The following ARFGEF3 variants were observed in gnomAD, a reference collection of about 807,000 sequenced individuals.
The protein encoded by ARFGEF3 is ARFGEF family member 3.
A neutral mutation model predicts 221.7 loss-of-function variants in ARFGEF3; 96 were observed. That is an observed-to-expected ratio of 0.43 (90% CI 0.37 to 0.51). The LOEUF is 0.51. Among genes scored for constraint, ARFGEF3 ranks in the 20% least tolerant of loss-of-function variants. The pLI is 0.00. For missense variants in ARFGEF3, 2,410 were observed against 2,789.9 expected, an observed-to-expected ratio of 0.86 and a Z score of 3.07; for synonymous variants, 1,145 against 1,126.8, an observed-to-expected ratio of 1.02 and a Z score of -0.32.
chr6:138,324,213 A>G, intron 31 of ARFGEF3, 59 bp downstream of exon 31: 1 of 1,569,772 alleles, frequency 6.4e-7, no homozygotes, highest in Non-Finnish European at 8.7e-7. Context: ...ATGTTGGGAG[A>G]CCTTCCTTGA....
intron 25 of ARFGEF3, among the ~76,000 whole-genome samples, chr6:138,313,120 GTC>G (rs1168749377): frequency 1.3e-5 from 2 of 152,180 alleles, no homozygotes; most frequent in African/African-American, 2.4e-5. Context: ...CAGGAATTTT[GTC>G]TGTTTGCTCA....
intron 33 of ARFGEF3, 135 bp from the exon 34 acceptor site, chr6:138,336,160 A>T: frequency 1.7e-6 from 1 of 595,566 alleles, no homozygotes. Flanking sequence ...TTATAGGCAT[A>T]TTAAATGAGT....
At chr6:138,293,899 A>G in intron 19 of ARFGEF3, 94 bp from the exon 20 acceptor site, 1 of 1,268,904 alleles carries the variant, frequency 7.9e-7, no homozygotes, top group Non-Finnish European at 1.1e-6. Flanking sequence ...CAGCATTTCC[A>G]TTAATCACAT....
intron 4 of ARFGEF3, among the ~76,000 whole-genome samples, chr6:138,221,539 GA>G (rs1375627727): frequency 6.6e-6 from 1 of 152,164 alleles, no homozygotes; most frequent in African/African-American, 2.4e-5. Context: ...ATAGATTTGT[GA>G]GTCCTCTAGT....
At position 138,338,315 on chromosome 6, in the gene ARFGEF3, A is replaced by T. The variant is rs1780368260; in HGVS notation, c.*1829A>T. 6.6e-6 allele frequency: 1 copy of T among 152,268 alleles called. No individual in the cohort carries two copies. Among genetic ancestry groups the T allele is most frequent in the Non-Finnish European group, 1.5e-5 (1 of 68,048 alleles). 9.4% of individuals were successfully genotyped at this position (152,268 alleles called of 1,614,324 possible). ...AACTGCTTTTTTTAAATTTTCCAAC[A>T]GAAGTAACACCACAGTTGCTTTGTT... On this transcript the variant is annotated 3_prime_UTR_variant, in exon 34 of 34. Transcript: ENST00000251691.
At chr6:138,307,757 T>C (rs1185192603) in intron 23 of ARFGEF3, among the ~76,000 whole-genome samples, 2 of 152,096 alleles carry the variant, frequency 1.3e-5, no homozygotes, top group Non-Finnish European at 2.9e-5. Flanking sequence ...ATTAGGGAGA[T>C]TCGGTCTGCT....
intron 4 of ARFGEF3, among the ~76,000 whole-genome samples, chr6:138,211,767 T>A (rs2114500619): frequency 6.6e-6 from 1 of 152,360 alleles, no homozygotes; most frequent in Middle Eastern, 3.4e-3. Flanking sequence ...TTAATGGTTA[T>A]GTCAACAGTC....
chr6:138,214,145 A>G (rs990171435), intron 4 of ARFGEF3, among the ~76,000 whole-genome samples: 4 of 152,216 alleles, frequency 2.6e-5, no homozygotes, highest in Non-Finnish European at 5.9e-5. Context: ...TGATCCAGGT[A>G]AAGCCTCTTA....
intron 22 of ARFGEF3, among the ~76,000 whole-genome samples, chr6:138,299,158 C>T (rs532670908): frequency 3.5e-4 from 49 of 141,248 alleles, no homozygotes; most frequent in African/African-American, 1.1e-3. Context: ...AGATCAATCA[C>T]GCCACTGCAC....
chr6:138,334,506 TCAGCGTC>T lies in ARFGEF3; in HGVS notation c.5665_5671del (p.Val1889LeufsTer87). ...CAGTGGCGGGCACGGATGCCCTTGC[TCAGCGTC>T]CAGCCTGTCAGCAACGCAGATTGGG... On this transcript the variant is annotated frameshift_variant, in exon 33 of 34. Transcript: ENST00000251691. LOFTEE classifies it high-confidence loss of function. The surrounding 1 kb of genome is among the most constrained non-coding windows in gnomAD (Gnocchi z 5.1). 6.2e-7 allele frequency: 1 copy of T among 1,609,802 alleles called. No homozygotes were observed. Among genetic ancestry groups the T allele is most frequent in the Non-Finnish European group, 8.5e-7 (1 of 1,178,954 alleles).
At position 138,279,958 on chromosome 6, in the gene ARFGEF3, AG is replaced by A. The variant is rs777190747; in HGVS notation, c.2296-38del. 6.2e-6 allele frequency: 10 copies of A among 1,603,198 alleles called. No homozygotes were observed. The East Asian group carries it at 2.0e-4, about 32-fold the overall frequency. On this transcript the variant is annotated intron_variant, in intron 13 of 33. Coordinates refer to ENST00000251691, the MANE Select transcript of ARFGEF3 (RefSeq NM_020340.5). ...GGCACTTAGGAGCCTGTTAGTGAGC[AG>A]GGTGTTATGTGGTCACCTTCTCATG...
chr6:138,274,025 G>C (rs1232252166), intron 12 of ARFGEF3, among the ~76,000 whole-genome samples: 1 of 152,144 alleles, frequency 6.6e-6, no homozygotes, highest in South Asian at 2.1e-4. Context: ...TTCCTATTGG[G>C]TGTCTCCACC....
intron 12 of ARFGEF3, among the ~76,000 whole-genome samples, chr6:138,271,415 G>A (rs974017281): frequency 3.9e-5 from 6 of 152,034 alleles, no homozygotes; most frequent in African/African-American, 1.4e-4. Context: ...TTATTTACAT[G>A]TATCTACAAT....
rs182802092 is a variant in ARFGEF3, at chr6:138,209,179, A to C, written c.220-731A>C. 1.9e-3 allele frequency among the ~76,000 whole-genome samples: 288 copies of C among 152,308 alleles called. 6 individuals carry two copies. Among genetic ancestry groups the C allele is most frequent in the Admixed American group, 0.017 (259 of 15,304 alleles). On this transcript the variant is annotated intron_variant, in intron 3 of 33. Transcript: ENST00000251691. ...CCTAAATAATTCCTGGATAAATGAC[A>C]GCTCACATTAGGAAGTAAAAAGATA...
At position 138,251,076 on chromosome 6, in the gene ARFGEF3, C is replaced by T. The variant is rs376278197; in HGVS notation, c.666-2804C>T. Among the ~76,000 whole-genome samples, 201 of 152,294 alleles carry T rather than the reference C, an allele frequency of 1.3e-3. 1 individual carries two copies. In the South Asian group the frequency reaches 0.023, roughly 17 times the overall value. On this transcript the variant is annotated intron_variant, in intron 8 of 33. Transcript: ENST00000251691. ...CTGTTTTCCAGACTGCCGCAACCCACGGAAAAGCTGCTGCGTTCAGTCTCC... is the reference window on the plus strand; with the variant it reads ...CTGTTTTCCAGACTGCCGCAACCCATGGAAAAGCTGCTGCGTTCAGTCTCC...
At chr6:138,333,491 GA>G (rs751973474) in intron 32 of ARFGEF3, among the ~76,000 whole-genome samples, 1 of 152,068 alleles carries the variant, frequency 6.6e-6, no homozygotes, top group Non-Finnish European at 1.5e-5. Flanking sequence ...GCCCAGGCTG[GA>G]GTGCAGTGGC....
intron 14 of ARFGEF3, among the ~76,000 whole-genome samples, 200 bp from the exon 15 acceptor site, chr6:138,285,746 G>A (rs1459921452): frequency 6.6e-6 from 1 of 152,012 alleles, no homozygotes; most frequent in Non-Finnish European, 1.5e-5. Context: ...TGTAACAGAA[G>A]AATAAATACT....
In ARFGEF3 at chr6:138,332,873, T is replaced by A. The variant is rs1428019803; in HGVS notation, c.5124-1097T>A. On this transcript the variant is annotated intron_variant, in intron 32 of 33. Coordinates refer to ENST00000251691, the MANE Select transcript of ARFGEF3 (RefSeq NM_020340.5). Reference sequence around the variant, plus strand: ...CATCTTGAGAGTAATGTGTTTTCCCTCAGTGAGGACTACACAAAGGGCAAA... The same window carrying A: ...CATCTTGAGAGTAATGTGTTTTCCCACAGTGAGGACTACACAAAGGGCAAA... Among the ~76,000 whole-genome samples the A allele has an allele frequency of 2.0e-5, 3 of 152,188 alleles. No homozygotes were observed. In the East Asian group the frequency reaches 5.8e-4, roughly 29 times the overall value.
chr6:138,298,117 CCAGGGCCAGTA>C (rs1278234301), intron 21 of ARFGEF3, among the ~76,000 whole-genome samples: 3 of 152,124 alleles, frequency 2.0e-5, no homozygotes, highest in African/African-American at 7.2e-5. Flanking sequence ...ACATCCAAGC[CCAGGGCCAGTA>C]CAGGAAAGGA....
Sources: gnomAD v4.1 joint callset for allele counts (sites outside exome capture counted in the v4.1 genomes callset) on GRCh38, gnomAD v4.1.1 for gene constraint, Gnocchi (gnomAD v3.1) non-coding constraint, MANE v1.5 for transcripts, NCBI Gene and HGNC (gene_info 2026-07-23, HGNC 2026-07-21) for gene names.